PLD3: variants seen among roughly 807,000 people sequenced by gnomAD.
PLD3 encodes phospholipase D family member 3.
PLD3 carries 31 observed loss-of-function variants against 58.4 expected under a neutral mutation model. The observed-to-expected ratio is 0.53, with a 90% CI of 0.40 to 0.72. The LOEUF (loss-of-function observed/expected upper bound fraction) is 0.72, where lower values mean the gene tolerates loss of function less well. PLD3 is among the 30% of genes least tolerant of loss of function. The pLI, the probability that PLD3 is intolerant of heterozygous loss-of-function variation, is 0.00. For missense variants in PLD3, 595 were observed against 659.8 expected (o/e 0.90, Z 1.08); for synonymous variants, 264 against 273.4 (o/e 0.97, Z 0.34).
chr19:40,366,207 A>C, intron 2 of PLD3: 1 of 542,414 alleles, frequency 1.8e-6, no homozygotes. Flanking sequence ...CAGGGTGGGC[A>C]CTGCAGAGTG....
chr19:40,371,203 T>G (rs1437608191), intron 8 of PLD3, among the ~76,000 whole-genome samples: 4 of 152,160 alleles, frequency 2.6e-5, no homozygotes, highest in Non-Finnish European at 5.9e-5. Context: ...CCCCTAACCT[T>G]TAATCTCAGC....
chr19:40,355,227 T>G (rs1161741655), intron 1 of PLD3, among the ~76,000 whole-genome samples: 1 of 152,164 alleles, frequency 6.6e-6, no homozygotes, highest in Non-Finnish European at 1.5e-5. Flanking sequence ...CCAAGGCACA[T>G]TCCATGTATT....
intron 1 of PLD3, among the ~76,000 whole-genome samples, chr19:40,352,467 G>A (rs1235072166): frequency 2.6e-5 from 4 of 152,034 alleles, no homozygotes; most frequent in African/African-American, 9.7e-5. Flanking sequence ...GCTTGAGGCA[G>A]CTTGGGTTCA....
chr19:40,373,060 T>A (rs186768734), intron 9 of PLD3, among the ~76,000 whole-genome samples: 2 of 152,238 alleles, frequency 1.3e-5, no homozygotes, highest in East Asian at 3.9e-4. Flanking sequence ...CTCTTGATAG[T>A]TTCACTAGTT....
rs764901428 is a variant in PLD3, at chr19:40,376,596, C to G, written c.1020-13C>G. ...TCTGCATCCTGCCCCACCTCCTATACACCCGTCCTCAGGTTCTGGCCTGCC... is the reference window on the plus strand; with the variant it reads ...TCTGCATCCTGCCCCACCTCCTATAGACCCGTCCTCAGGTTCTGGCCTGCC... On this transcript the variant is annotated splice_polypyrimidine_tract_variant and intron_variant, in intron 10 of 12. Transcript: ENST00000409735. The G allele has an allele frequency of 6.2e-7, 1 of 1,607,580 alleles. No homozygotes were observed. The highest frequency in any genetic ancestry group is 2.2e-5 in the East Asian group (1 of 44,858).
In PLD3 at chr19:40,378,315, A is replaced by AC; in HGVS notation, c.*144dup. ...CTCTCTCCCCTGCTCTCCCACCTCT[A>AC]CCTCCACCCCCACCGGCCTGACGCT... is the stretch of plus-strand genomic sequence containing the variant. On this transcript the variant is annotated 3_prime_UTR_variant, in exon 13 of 13. Coordinates refer to ENST00000409735, the MANE Select transcript of PLD3 (RefSeq NM_012268.4). 1.3e-6 allele frequency: 1 copy of AC among 790,742 alleles called. No individual in the cohort carries two copies. Among genetic ancestry groups the AC allele is most frequent in the Non-Finnish European group, 2.2e-6 (1 of 460,402 alleles). The allele number at this position is 790,742 out of a possible 1,614,324, so 49.0% of individuals were successfully genotyped here.
intron 1 of PLD3, among the ~76,000 whole-genome samples, chr19:40,353,901 C>A (rs1027680595): frequency 6.9e-6 from 1 of 144,320 alleles, no homozygotes; most frequent in African/African-American, 2.6e-5. Context: ...ATTTTTCTTT[C>A]TTTATTTTTT....
intron 6 of PLD3, 21 bp downstream of exon 6, chr19:40,367,900 G>A: frequency 6.6e-7 from 1 of 1,521,622 alleles, no homozygotes; most frequent in Non-Finnish European, 8.8e-7. Flanking sequence ...CCTTGGCCCT[G>A]GCCGGCAGCA....
Position 40,372,551 on chromosome 19 carries a change from G to A in PLD3, c.879+678G>A, listed in dbSNP as rs1035709537. Among the ~76,000 whole-genome samples the A allele has an allele frequency of 2.7e-5, 4 of 149,892 alleles. No individual in the cohort carries two copies. In the East Asian group the frequency reaches 8.0e-4, roughly 30 times the overall value. ...CCCTGTAATCCCAGCACTTTGGGAGGCCAAGGCCAAGATGGGAGGATCACT... is the reference window on the plus strand; with the variant it reads ...CCCTGTAATCCCAGCACTTTGGGAGACCAAGGCCAAGATGGGAGGATCACT... On this transcript the variant is annotated intron_variant, in intron 9 of 12. Coordinates refer to ENST00000409735, the MANE Select transcript of PLD3 (RefSeq NM_012268.4).
intron 2 of PLD3, 58 bp from the exon 3 acceptor site, chr19:40,366,361 A>G (rs2078922063): frequency 1.2e-6 from 1 of 838,944 alleles, no homozygotes; most frequent in Admixed American, 1.8e-5. Context: ...CTCTTCTGTG[A>G]TGTCTGTCCC....
intron 1 of PLD3, among the ~76,000 whole-genome samples, chr19:40,351,463 T>C (rs935731482): frequency 6.6e-6 from 1 of 151,964 alleles, no homozygotes; most frequent in Non-Finnish European, 1.5e-5. Context: ...GAGAATCGCT[T>C]GAACCAGGGA....
chr19:40,374,663 G>A, intron 10 of PLD3, 43 bp downstream of exon 10: 1 of 1,610,694 alleles, frequency 6.2e-7, no homozygotes, highest in South Asian at 1.1e-5. Context: ...CAGTTGGCCA[G>A]GAGACGGGAG....
intron 1 of PLD3, among the ~76,000 whole-genome samples, chr19:40,353,432 AAAAC>A (rs1348437177): frequency 6.6e-6 from 1 of 152,094 alleles, no homozygotes; most frequent in African/African-American, 2.4e-5. Flanking sequence ...ACCATCTCAA[AAAAC>A]AAACAAATTT....
At chr19:40,350,342 T>C (rs1440011630) in intron 1 of PLD3, among the ~76,000 whole-genome samples, 1 of 150,772 alleles carries the variant, frequency 6.6e-6, no homozygotes, top group East Asian at 2.0e-4. Context: ...GCATCTGCAA[T>C]ATGGGAATGA....
intron 5 of PLD3, chr19:40,367,419 A>G: frequency 5.9e-6 from 2 of 336,998 alleles, no homozygotes; most frequent in Admixed American, 4.3e-5. Context: ...CATCTCTACT[A>G]AAAGTAAAAA....
At chr19:40,355,231 A>G (rs1473130258) in intron 1 of PLD3, among the ~76,000 whole-genome samples, 1 of 151,754 alleles carries the variant, frequency 6.6e-6, no homozygotes, top group Non-Finnish European at 1.5e-5. Context: ...GGCACATTCC[A>G]TGTATTTCAC....
At position 40,374,624 on chromosome 19, in the gene PLD3, C is replaced by T. The variant is rs1319098176; in HGVS notation, c.1019+4C>T. ...TGGAGTTCTCCCACCCTCACAGGTA[C>T]TGCTGGGTGTGGAGATAGGGAGCCG... On this transcript the variant is annotated splice_donor_region_variant and intron_variant, in intron 10 of 12. Coordinates refer to ENST00000409735, the MANE Select transcript of PLD3 (RefSeq NM_012268.4). The T allele has an allele frequency of 4.3e-6, 7 of 1,613,904 alleles. No homozygotes were observed. The highest frequency in any genetic ancestry group is 5.9e-6 in the Non-Finnish European group (7 of 1,179,880).
At chr19:40,372,302 C>T (rs2079084792) in intron 9 of PLD3, among the ~76,000 whole-genome samples, 1 of 151,912 alleles carries the variant, frequency 6.6e-6, no homozygotes, top group Non-Finnish European at 1.5e-5. Flanking sequence ...GCCTGGACAA[C>T]ATAGCAAGAC....
intron 6 of PLD3, among the ~76,000 whole-genome samples, chr19:40,368,158 A>G (rs535408651): frequency 4.6e-5 from 7 of 152,080 alleles, no homozygotes; most frequent in Non-Finnish European, 7.4e-5. Flanking sequence ...AGCTGTCCTG[A>G]CCCAGTCACA....
Sources: gnomAD v4.1 joint callset for allele counts (sites outside exome capture counted in the v4.1 genomes callset) on GRCh38, gnomAD v4.1.1 for gene constraint, MANE v1.5 for transcripts, NCBI Gene and HGNC (gene_info 2026-07-23, HGNC 2026-07-21) for gene names.